The following VIT variants were observed in gnomAD, a reference collection of about 807,000 sequenced individuals.
VIT encodes vitrin.
Under a neutral mutation model 78.0 loss-of-function variants are expected in VIT, and 99 were observed. The observed-to-expected ratio is 1.27, with a 90% CI of 1.08 to 1.50. The LOEUF is 1.50. Ranked by LOEUF, VIT falls within the 40% of genes most tolerant of loss-of-function variation. The pLI, the probability that VIT is intolerant of heterozygous loss-of-function variation, is 0.00. For synonymous variants in VIT, 374 were observed against 334.3 expected (o/e 1.12, Z -1.29); for missense variants, 1,126 against 875.3 (o/e 1.29, Z -3.61).
intron 2 of VIT, among the ~76,000 whole-genome samples, chr2:36,717,333 AATGTGTGTGTGTGT>A (rs1260754927): frequency 4.9e-5 from 5 of 102,768 alleles, no homozygotes; most frequent in African/African-American, 1.8e-4. Context: ...ACGCCTGGCT[AATGTGTGTGTGTGT>A]GTGTGTGTGT....
intron 14 of VIT, among the ~76,000 whole-genome samples, chr2:36,807,794 G>A (rs1240497029): frequency 1.3e-5 from 2 of 152,222 alleles, no homozygotes; most frequent in African/African-American, 4.8e-5. Flanking sequence ...TTGCCTGGAG[G>A]CAGAGTTGTC....
At chr2:36,794,655 G>C (rs985439151) in intron 12 of VIT, among the ~76,000 whole-genome samples, 3 of 152,184 alleles carry the variant, frequency 2.0e-5, no homozygotes, top group Non-Finnish European at 4.4e-5. Flanking sequence ...ATTCATCTAA[G>C]TGGTTTGATT....
chr2:36,717,013 A>T (rs1378508771), intron 2 of VIT, among the ~76,000 whole-genome samples: 2 of 149,860 alleles, frequency 1.3e-5, no homozygotes, highest in East Asian at 4.0e-4. Context: ...AGTAGCTGGG[A>T]TTACAGGTGC....
intron 14 of VIT, among the ~76,000 whole-genome samples, chr2:36,807,421 A>C (rs891272614): frequency 6.6e-6 from 1 of 151,982 alleles, no homozygotes. Context: ...CCTGGTGGAA[A>C]TCCCTCCCTC....
chr2:36,697,678 G>A (rs981328417), intron 1 of VIT, among the ~76,000 whole-genome samples: 3 of 152,146 alleles, frequency 2.0e-5, no homozygotes, highest in Non-Finnish European at 4.4e-5. Flanking sequence ...TGAAATAAAC[G>A]CCTCAAGCAC....
rs530881644 is a variant in VIT, at chr2:36,727,926, CGT to C, written c.53-1493_53-1492del. On this transcript the variant is annotated intron_variant, in intron 2 of 15. Transcript: ENST00000379242. The stretch of plus-strand genomic sequence containing the variant: ...TAACAAGTAACAACTATGTTGCTGG[CGT>C]GTGTGTTTTCTTTTTTTTGAGATGA... 3.8e-3 allele frequency among the ~76,000 whole-genome samples: 572 copies of C among 152,144 alleles called. 4 individuals are homozygous for C. The highest frequency in any genetic ancestry group is 0.013 in the African/African-American group (549 of 41,544).
At chr2:36,700,560 A>G (rs1013480563) in intron 1 of VIT, among the ~76,000 whole-genome samples, 5 of 152,036 alleles carry the variant, frequency 3.3e-5, no homozygotes, top group African/African-American at 1.2e-4. Flanking sequence ...CAGGCAACAT[A>G]GTGAGACCTT....
chr2:36,713,621 G>T (rs1414905563), intron 1 of VIT, among the ~76,000 whole-genome samples: 1 of 152,206 alleles, frequency 6.6e-6, no homozygotes, highest in South Asian at 2.1e-4. Context: ...TAATCTAGGT[G>T]GGAGAGGGCA....
intron 3 of VIT, among the ~76,000 whole-genome samples, chr2:36,739,520 C>G (rs1667704436): frequency 6.6e-6 from 1 of 152,134 alleles, no homozygotes; most frequent in South Asian, 2.1e-4. Flanking sequence ...TGCCCAGGAA[C>G]CCTTGTGAGA....
At chr2:36,772,467 G>A (rs1029571611) in intron 7 of VIT, among the ~76,000 whole-genome samples, 6 of 152,224 alleles carry the variant, frequency 3.9e-5, no homozygotes, top group East Asian at 1.9e-4. Context: ...CCTGGAAGGC[G>A]GAGGTTGTGG....
At chr2:36,706,194 A>G (rs1432771407) in intron 1 of VIT, among the ~76,000 whole-genome samples, 1 of 152,188 alleles carries the variant, frequency 6.6e-6, no homozygotes, top group Non-Finnish European at 1.5e-5. Context: ...GCTTGGCTTC[A>G]GGGTTGGCGT....
intron 2 of VIT, among the ~76,000 whole-genome samples, chr2:36,725,807 C>T (rs1367897586): frequency 6.6e-6 from 1 of 152,186 alleles, no homozygotes; most frequent in Non-Finnish European, 1.5e-5. Context: ...CACAGTGGCT[C>T]ACGCCTGTAA....
At chr2:36,711,420 T>G (rs1281655869) in intron 1 of VIT, among the ~76,000 whole-genome samples, 1 of 152,204 alleles carries the variant, frequency 6.6e-6, no homozygotes, top group Non-Finnish European at 1.5e-5. Flanking sequence ...ACCTGCAGAT[T>G]GTCTTAGACA....
chr2:36,776,493 G>A (rs1350221488), intron 9 of VIT, among the ~76,000 whole-genome samples: 1 of 152,038 alleles, frequency 6.6e-6, no homozygotes, highest in East Asian at 1.9e-4. Context: ...TAATTCTATT[G>A]TCACTTTGAA....
intron 6 of VIT, among the ~76,000 whole-genome samples, chr2:36,766,239 C>T (rs1049288201): frequency 2.0e-4 from 30 of 152,122 alleles, no homozygotes; most frequent in African/African-American, 6.8e-4. Context: ...ATTTAGAAGT[C>T]GAATCTAGGC....
At chr2:36,775,142 C>A in intron 9 of VIT, 75 bp downstream of exon 9, 2 of 1,548,046 alleles carry the variant, frequency 1.3e-6, no homozygotes, top group Admixed American at 3.5e-5. Context: ...TGAGGACCTC[C>A]CCACACACTT....
chr2:36,790,892 C>T (rs969249138), intron 12 of VIT, among the ~76,000 whole-genome samples: 5 of 111,394 alleles, frequency 4.5e-5, no homozygotes, highest in Non-Finnish European at 9.0e-5. Flanking sequence ...AACAGGAACA[C>T]GGAAAGAGTC....
At chr2:36,808,360 CA>C in intron 14 of VIT, 111 bp from the exon 15 acceptor site, 1 of 1,390,790 alleles carries the variant, frequency 7.2e-7, no homozygotes, top group Non-Finnish European at 9.6e-7. Flanking sequence ...AGGGCTAGTG[CA>C]GAAAACAAGG....
intron 4 of VIT, among the ~76,000 whole-genome samples, chr2:36,747,528 T>C (rs536314688): frequency 6.6e-6 from 1 of 152,358 alleles, no homozygotes; most frequent in Admixed American, 6.5e-5. Flanking sequence ...AATTGAACTC[T>C]TTATCATTAT....
Sources: gnomAD v4.1 joint callset for allele counts (sites outside exome capture counted in the v4.1 genomes callset) on GRCh38, gnomAD v4.1.1 for gene constraint, MANE v1.5 for transcripts, NCBI Gene and HGNC (gene_info 2026-07-23, HGNC 2026-07-21) for gene names.